Variants in SLC6A13 observed in about 807,000 individuals in gnomAD.
SLC6A13 encodes the protein solute carrier family 6 member 13.
A neutral mutation model predicts 72.9 loss-of-function variants in SLC6A13; 69 were observed. The observed-to-expected ratio is 0.95, with a 90% CI of 0.78 to 1.16. The LOEUF is 1.16. Ranked by LOEUF, SLC6A13 falls within the 50% of genes most tolerant of loss-of-function variation. The pLI, the probability that SLC6A13 is intolerant of heterozygous loss-of-function variation, is 0.00. For synonymous variants in SLC6A13, 303 were observed against 303.0 expected, an observed-to-expected ratio of 1.00 and a Z score of 0.00; for missense variants, 735 against 760.5, an observed-to-expected ratio of 0.97 and a Z score of 0.39.
intron 14 of SLC6A13, 52 bp downstream of exon 14, chr12:221,324 C>G (rs1941199527): frequency 6.6e-7 from 1 of 1,516,200 alleles, no homozygotes; most frequent in Admixed American, 2.1e-5. Context: ...CTGTCGGCAC[C>G]TGCGAAGCCT....
chr12:246,188 T>A (rs1942343390), intron 2 of SLC6A13, among the ~76,000 whole-genome samples: 1 of 129,128 alleles, frequency 7.7e-6, no homozygotes, highest in Non-Finnish European at 1.8e-5. Flanking sequence ...CATGGTGGCA[T>A]GTGCCTGTGG....
chr12:260,578 A>G (rs1942893748), intron 1 of SLC6A13, among the ~76,000 whole-genome samples: 1 of 152,252 alleles, frequency 6.6e-6, no homozygotes, highest in East Asian at 1.9e-4. Flanking sequence ...CATAACAGCG[A>G]AAAATCGGAA....
intron 11 of SLC6A13, chr12:223,742 A>G: frequency 1.9e-6 from 1 of 513,126 alleles, no homozygotes; most frequent in South Asian, 2.3e-5. Context: ...AATGCTCCAC[A>G]TACCTCTTCA....
rs1942874299 is a variant in SLC6A13, at chr12:259,955, C to T, written c.98G>A (p.Gly33Glu). 1.2e-6 allele frequency: 2 copies of T among 1,614,200 alleles called. No individual in the cohort carries two copies. The highest frequency in any genetic ancestry group is 1.7e-6 in the Non-Finnish European group (2 of 1,180,022). The change falls in exon 2 of 15, where the codon GGG becomes GAG. Residue 33 changes from glycine (G) to glutamate (E), a missense_variant. Transcript: ENST00000343164. ...AAACTCCATCTTGTTGTTCCAGTGCCCCCGCTCCAGGGTGCCATCTTCCTC... is the reference window on the plus strand; with the variant it reads ...AAACTCCATCTTGTTGTTCCAGTGCTCCCGCTCCAGGGTGCCATCTTCCTC... ...KKEEDGTLERGHWNNKMEFVL... is the reference protein window; with the variant it reads ...KKEEDGTLEREHWNNKMEFVL...
intron 7 of SLC6A13, 133 bp from the exon 8 acceptor site, chr12:227,801 G>T: frequency 1.4e-6 from 1 of 726,198 alleles, no homozygotes; most frequent in Non-Finnish European, 2.3e-6. Context: ...GCCAACACTT[G>T]CATCCTGCTA....
chr12:239,139 C>A (rs1242886523), intron 4 of SLC6A13, among the ~76,000 whole-genome samples: 1 of 150,204 alleles, frequency 6.7e-6, no homozygotes, highest in Non-Finnish European at 1.5e-5. Flanking sequence ...TTCCCTCAGC[C>A]ACATGCTCTA....
Position 221,086 on chromosome 12 carries a change from A to T in SLC6A13, c.1687-16T>A. ...GACGGATTCTCTGCGGGGATAGCAG[A>T]GGTGGCTGTCAGGTGGTGGAGCGGG... On this transcript the variant is annotated splice_polypyrimidine_tract_variant and intron_variant, in intron 14 of 14. Coordinates refer to ENST00000343164, the MANE Select transcript of SLC6A13 (RefSeq NM_016615.5). The T allele has an allele frequency of 1.9e-6, 3 of 1,579,616 alleles. No homozygotes were observed. Among genetic ancestry groups the T allele is most frequent in the Non-Finnish European group, 2.6e-6 (3 of 1,164,686 alleles).
intron 2 of SLC6A13, among the ~76,000 whole-genome samples, chr12:244,913 T>C (rs1383473428): frequency 6.6e-6 from 1 of 152,218 alleles, no homozygotes; most frequent in African/African-American, 2.4e-5. Context: ...ACTAAGCTAG[T>C]AATCTGTCTC....
At chr12:228,628 A>G (rs1045725060) in intron 7 of SLC6A13, among the ~76,000 whole-genome samples, 3 of 152,214 alleles carry the variant, frequency 2.0e-5, no homozygotes, top group Non-Finnish European at 1.5e-5. Context: ...CAGGCCTCCA[A>G]TTCCTCAGTC....
chr12:253,674 G>C (rs2137315637), intron 2 of SLC6A13: 1 of 152,518 alleles, frequency 6.6e-6, no homozygotes, highest in South Asian at 2.1e-4. Context: ...TGAGCAACTT[G>C]GTCTGCCAGC....
chr12:220,904 A>T lies in SLC6A13; in HGVS notation c.*44T>A. 1 of 1,606,882 alleles carries T rather than the reference A, an allele frequency of 6.2e-7. No individual in the cohort carries two copies. Among genetic ancestry groups the T allele is most frequent in the Non-Finnish European group, 8.5e-7 (1 of 1,179,166 alleles). ...CTTCTGCCACGTTCCCTCCACAGCC[A>T]TCCCCAAGGCCAGGCACACAGGCAC... On this transcript the variant is annotated 3_prime_UTR_variant, in exon 15 of 15. Transcript: ENST00000343164.
chr12:229,689 G>A (rs1035499689), intron 7 of SLC6A13, among the ~76,000 whole-genome samples: 2 of 152,234 alleles, frequency 1.3e-5, no homozygotes, highest in African/African-American at 4.8e-5. Context: ...GGAGCCCGGA[G>A]TCCTCGCGCC....
intron 2 of SLC6A13, among the ~76,000 whole-genome samples, chr12:251,109 TC>T (rs1406979104): frequency 6.7e-6 from 1 of 149,672 alleles, no homozygotes; most frequent in Non-Finnish European, 1.5e-5. Context: ...TGAGCTGAGA[TC>T]GCGCCACTGC....
At chr12:253,308 C>A (rs1367486832) in intron 2 of SLC6A13, 1 of 152,256 alleles carries the variant, frequency 6.6e-6, no homozygotes, top group Non-Finnish European at 1.5e-5. Flanking sequence ...GAGCGAGGAG[C>A]TTCCATGAGG....
intron 4 of SLC6A13, 113 bp downstream of exon 4, chr12:242,501 G>C: frequency 1.2e-6 from 1 of 837,032 alleles, no homozygotes. Context: ...CTCCATGGTC[G>C]ACTTGGGTGA....
chr12:251,722 GC>G (rs1942556712), intron 2 of SLC6A13, among the ~76,000 whole-genome samples: 1 of 152,152 alleles, frequency 6.6e-6, no homozygotes, highest in African/African-American at 2.4e-5. Flanking sequence ...GGAGGCCAAG[GC>G]TGGAGGATCG....
chr12:229,535 G>T (rs774442456), intron 7 of SLC6A13, among the ~76,000 whole-genome samples: 19 of 152,152 alleles, frequency 1.2e-4, no homozygotes, highest in Non-Finnish European at 2.6e-4. Context: ...CTGGCAAAAG[G>T]CCCTGAGCTT....
At chr12:260,214 T>C (rs1285247976) in intron 1 of SLC6A13, among the ~76,000 whole-genome samples, 157 bp from the exon 2 acceptor site, 2 of 152,226 alleles carry the variant, frequency 1.3e-5, no homozygotes, top group East Asian at 1.9e-4. Flanking sequence ...GCAGTTCTCA[T>C]TGGTAGAAGC....
rs116433157 is a variant in SLC6A13, at chr12:254,361, A to G, written c.202+5490T>C. 0.017 allele frequency among the ~76,000 whole-genome samples: 2,621 copies of G among 152,170 alleles called. 72 individuals carry two copies. The highest frequency in any genetic ancestry group is 0.06 in the African/African-American group (2,471 of 41,488). On this transcript the variant is annotated intron_variant, in intron 2 of 14. Coordinates refer to ENST00000343164, the MANE Select transcript of SLC6A13 (RefSeq NM_016615.5). This position sits in a 1 kb window ranked among gnomAD's most constrained non-coding sequence, Gnocchi z 4.4. ...CAATAACCCACATTTACTATTTCCAATTCCTTTCTCCCATCTCCCCCATTA... is the reference window on the plus strand; with the variant it reads ...CAATAACCCACATTTACTATTTCCAGTTCCTTTCTCCCATCTCCCCCATTA...
Sources: gnomAD v4.1 joint callset for allele counts (sites outside exome capture counted in the v4.1 genomes callset) on GRCh38, gnomAD v4.1.1 for gene constraint, Gnocchi (gnomAD v3.1) non-coding constraint, MANE v1.5 for transcripts, NCBI Gene and HGNC (gene_info 2026-07-23, HGNC 2026-07-21) for gene names.